The following SLC25A26 variants were observed in gnomAD, a reference collection of about 807,000 sequenced individuals.
SLC25A26 encodes the protein mitochondrial S-adenosylmethionine carrier protein.
In SLC25A26, 36 loss-of-function variants were observed where a neutral mutation model predicts 37.8. That is an observed-to-expected ratio of 0.95 (90% CI 0.73 to 1.26). SLC25A26 has a LOEUF of 1.26. Among genes scored for constraint, SLC25A26 ranks in the 50% most tolerant of loss-of-function variants. The pLI, the probability that SLC25A26 is intolerant of heterozygous loss-of-function variation, is 0.00. For missense variants in SLC25A26, 390 were observed against 331.1 expected, an observed-to-expected ratio of 1.18 and a Z score of -1.38; for synonymous variants, 129 against 122.5, an observed-to-expected ratio of 1.05 and a Z score of -0.35.
chr3:66,220,217 G>GACTAGTGCAGCA (rs1277583823), upstream of SLC25A26, among the ~76,000 whole-genome samples: 2 of 152,188 alleles, frequency 1.3e-5, no homozygotes, highest in Non-Finnish European at 2.9e-5. Flanking sequence ...GTAAAATGAG[G>GACTAGTGCAGCA]ACACTAGTGT....
At chr3:66,166,331 C>T (rs1266713129) in intron 1 of SLC25A26, among the ~76,000 whole-genome samples, 1 of 152,186 alleles carries the variant, frequency 6.6e-6, no homozygotes, top group South Asian at 2.1e-4. Flanking sequence ...CAGATTTTTC[C>T]TTCAGAAAGT....
Position 66,297,949 on chromosome 3 carries a change from C to T in SLC25A26, c.453+34570C>T, listed in dbSNP as rs75363155. ...TAAAGGATATAGCATATCATTTCCT[C>T]GTTATCAAATTTGCAAATTATGAAA... On this transcript the variant is annotated intron_variant, in intron 5 of 9. Transcript: ENST00000354883. Among the ~76,000 whole-genome samples, 720 of 152,278 alleles carry T rather than the reference C, an allele frequency of 4.7e-3. 4 individuals are homozygous for T. The highest frequency in any genetic ancestry group is 0.014 in the Middle Eastern group (4 of 294).
At chr3:66,182,598 A>G (rs972619334) in intron 1 of SLC25A26, among the ~76,000 whole-genome samples, 1 of 151,994 alleles carries the variant, frequency 6.6e-6, no homozygotes, top group East Asian at 1.9e-4. Context: ...TGAAAAGGCC[A>G]TAAAACCTAA....
intron 3 of SLC25A26, among the ~76,000 whole-genome samples, chr3:66,257,876 C>G (rs1271073268): frequency 6.6e-6 from 1 of 152,128 alleles, no homozygotes; most frequent in East Asian, 1.9e-4. Context: ...GGAAGCAATA[C>G]CGGTGAACTC....
chr3:66,233,176 T>G (rs2072114158), intron 1 of SLC25A26, among the ~76,000 whole-genome samples: 1 of 152,200 alleles, frequency 6.6e-6, no homozygotes, highest in African/African-American at 2.4e-5. Context: ...GCCCTCCTCC[T>G]TTTGAGAAAA....
At chr3:66,342,462 G>C (rs1249828184) in intron 5 of SLC25A26, among the ~76,000 whole-genome samples, 1 of 152,044 alleles carries the variant, frequency 6.6e-6, no homozygotes, top group Non-Finnish European at 1.5e-5. Context: ...GAATGTTAGG[G>C]CTAAATGATA....
At chr3:66,371,274 G>A in intron 9 of SLC25A26, 1 of 1,549,552 alleles carries the variant, frequency 6.5e-7, no homozygotes, top group Non-Finnish European at 8.7e-7. Context: ...GTCGGCAGCT[G>A]CCTGGACTTC....
chr3:66,308,961 G>A (rs994190415), intron 5 of SLC25A26, among the ~76,000 whole-genome samples: 7 of 152,176 alleles, frequency 4.6e-5, no homozygotes, highest in South Asian at 2.1e-4. Context: ...GGATTTTCGC[G>A]TCCATGTTTA....
intron 5 of SLC25A26, among the ~76,000 whole-genome samples, chr3:66,315,728 T>A (rs2075520221): frequency 1.3e-5 from 2 of 152,222 alleles, no homozygotes; most frequent in Non-Finnish European, 2.9e-5. Context: ...AGTCTCCCAC[T>A]ATACTTGTGT....
At chr3:66,351,737 G>A (rs939164459) in intron 6 of SLC25A26, among the ~76,000 whole-genome samples, 6 of 152,124 alleles carry the variant, frequency 3.9e-5, no homozygotes, top group Admixed American at 2.6e-4. Context: ...AAATAGCAAA[G>A]TTGTCTTATG....
At chr3:66,362,318 C>CA (rs1453694329) in intron 6 of SLC25A26, among the ~76,000 whole-genome samples, 1 of 152,178 alleles carries the variant, frequency 6.6e-6, no homozygotes, top group Admixed American at 6.5e-5. Flanking sequence ...ATGCGTAAAT[C>CA]ACGGTATATC....
intron 5 of SLC25A26, among the ~76,000 whole-genome samples, chr3:66,333,702 T>C (rs73833467): frequency 0.044 from 6,644 of 152,234 alleles, 464 homozygotes; most frequent in African/African-American, 0.15. Context: ...GTAGATGTTC[T>C]GCCTTCCCTG....
At chr3:66,153,031 A>G (rs1364658444) in intron 1 of SLC25A26, among the ~76,000 whole-genome samples, 2 of 152,228 alleles carry the variant, frequency 1.3e-5, no homozygotes, top group East Asian at 3.9e-4. Context: ...TCTAATGTGT[A>G]GTTAAGGCTA....
chr3:66,169,469 T>C (rs2070466341), intron 1 of SLC25A26, among the ~76,000 whole-genome samples: 1 of 152,236 alleles, frequency 6.6e-6, no homozygotes, highest in Non-Finnish European at 1.5e-5. Flanking sequence ...TCAGCTCAGC[T>C]GACTCTCCAG....
chr3:66,223,221 A>T (rs146930352), intron 1 of SLC25A26, among the ~76,000 whole-genome samples: 1 of 152,362 alleles, frequency 6.6e-6, no homozygotes, highest in African/African-American at 2.4e-5. Flanking sequence ...AAAGCCACGA[A>T]GTGGTAACAT....
chr3:66,177,833 C>T (rs1184241698), intron 1 of SLC25A26, among the ~76,000 whole-genome samples: 1 of 152,170 alleles, frequency 6.6e-6, no homozygotes, highest in Non-Finnish European at 1.5e-5. Context: ...GTGGCTCATT[C>T]CCTTGAACTG....
At chr3:66,322,709 C>T (rs1295780665) in intron 5 of SLC25A26, among the ~76,000 whole-genome samples, 2 of 152,170 alleles carry the variant, frequency 1.3e-5, no homozygotes, top group African/African-American at 2.4e-5. Flanking sequence ...TGTACATATG[C>T]CATGGCTTCA....
At chr3:66,325,083 A>G (rs1195534860) in intron 5 of SLC25A26, among the ~76,000 whole-genome samples, 1 of 152,152 alleles carries the variant, frequency 6.6e-6, no homozygotes, top group Non-Finnish European at 1.5e-5. Context: ...TTTATGTTGG[A>G]GGATTGACAA....
At chr3:66,179,900 A>G (rs138511308) in intron 1 of SLC25A26, among the ~76,000 whole-genome samples, 3,160 of 152,306 alleles carry the variant, frequency 0.021, 56 homozygotes, top group Non-Finnish European at 0.028. Context: ...ATTGATGCAT[A>G]GTTACAGTAT....
Sources: gnomAD v4.1 joint callset for allele counts (sites outside exome capture counted in the v4.1 genomes callset) on GRCh38, gnomAD v4.1.1 for gene constraint, MANE v1.5 for transcripts, NCBI Gene and HGNC (gene_info 2026-07-23, HGNC 2026-07-21) for gene names.